Variants in SLC25A48 observed in about 807,000 individuals in gnomAD.
SLC25A48 encodes CTC-321K16.1.
In SLC25A48, 29 loss-of-function variants were observed where a neutral mutation model predicts 32.2. That is an observed-to-expected ratio of 0.90 (90% confidence interval 0.67 to 1.23). The LOEUF is 1.23. Ranked by LOEUF, SLC25A48 falls within the 50% of genes most tolerant of loss-of-function variation. The pLI is 0.00. For synonymous variants in SLC25A48, 164 were observed against 172.3 expected (o/e 0.95, Z 0.38); for missense variants, 399 against 422.7 (o/e 0.94, Z 0.49).
intron 1 of SLC25A48, among the ~76,000 whole-genome samples, chr5:135,621,240 C>G (rs1180828577): frequency 6.6e-6 from 1 of 152,202 alleles, no homozygotes; most frequent in Non-Finnish European, 1.5e-5. Flanking sequence ...TTCCCATCTA[C>G]AAGGTTTCTG....
chr5:135,772,867 C>T (rs986393248), intron 3 of SLC25A48, among the ~76,000 whole-genome samples: 1 of 151,426 alleles, frequency 6.6e-6, no homozygotes, highest in Admixed American at 6.6e-5. Flanking sequence ...ATATTACTTT[C>T]AATATTGCAG....
At chr5:135,675,596 T>C (rs1382273241) in intron 3 of SLC25A48, among the ~76,000 whole-genome samples, 1 of 152,100 alleles carries the variant, frequency 6.6e-6, no homozygotes, top group Non-Finnish European at 1.5e-5. Flanking sequence ...GCTGTTTTGG[T>C]TACTATAATC....
At chr5:135,613,884 A>G (rs191179188) in intron 1 of SLC25A48, among the ~76,000 whole-genome samples, 10 of 152,280 alleles carry the variant, frequency 6.6e-5, no homozygotes, top group African/African-American at 2.2e-4. Context: ...TGATGCCTCC[A>G]GATTTGTTTC....
intron 3 of SLC25A48, among the ~76,000 whole-genome samples, chr5:135,742,836 T>A (rs974904847): frequency 3.0e-4 from 45 of 151,824 alleles, no homozygotes; most frequent in Admixed American, 3.9e-4. Flanking sequence ...TCCACAAGGG[T>A]AGGGACTGTC....
At chr5:135,676,370 G>GT (rs1753768317) in intron 3 of SLC25A48, among the ~76,000 whole-genome samples, 2 of 151,754 alleles carry the variant, frequency 1.3e-5, no homozygotes, top group South Asian at 4.2e-4. Context: ...AGTCTTCTCT[G>GT]TTTTTTTATT....
intron 3 of SLC25A48, among the ~76,000 whole-genome samples, chr5:135,724,688 T>C (rs1186253520): frequency 6.6e-6 from 1 of 152,266 alleles, no homozygotes; most frequent in Non-Finnish European, 1.5e-5. Flanking sequence ...TGATAGGCTA[T>C]AACCTTGGTC....
chr5:135,716,020 G>A (rs1175972473), intron 3 of SLC25A48, among the ~76,000 whole-genome samples: 1 of 152,206 alleles, frequency 6.6e-6, no homozygotes, highest in Non-Finnish European at 1.5e-5. Flanking sequence ...ATAACTGCCA[G>A]TTATCCAGAA....
chr5:135,794,233 A>G (rs1429799523), intron 3 of SLC25A48, among the ~76,000 whole-genome samples: 1 of 151,276 alleles, frequency 6.6e-6, no homozygotes, highest in Non-Finnish European at 1.5e-5. Context: ...ATTGTTTCTA[A>G]TATCTAGGGG....
chr5:135,674,058 A>T (rs1048025849), intron 3 of SLC25A48, among the ~76,000 whole-genome samples: 3 of 151,746 alleles, frequency 2.0e-5, no homozygotes, highest in Admixed American at 6.6e-5. Context: ...ACTTTCTTTT[A>T]TGTTTCATTT....
intron 3 of SLC25A48, among the ~76,000 whole-genome samples, chr5:135,640,957 C>T (rs971412422): frequency 6.6e-6 from 1 of 152,174 alleles, no homozygotes; most frequent in African/African-American, 2.4e-5. Context: ...TGTCTGTACT[C>T]ATCATTTCTA....
intron 4 of SLC25A48, among the ~76,000 whole-genome samples, chr5:135,853,637 G>A (rs967515191): frequency 6.6e-6 from 1 of 152,142 alleles, no homozygotes; most frequent in Non-Finnish European, 1.5e-5. Flanking sequence ...TAGTTCTCTT[G>A]CTTTCTCCAT....
intron 1 of SLC25A48, among the ~76,000 whole-genome samples, chr5:135,618,152 CT>C (rs1752232469): frequency 6.6e-6 from 1 of 152,048 alleles, no homozygotes; most frequent in African/African-American, 2.4e-5. Flanking sequence ...GAATTTATCC[CT>C]TTATCATACA....
chr5:135,744,054 C>T (rs1468327454), intron 3 of SLC25A48, among the ~76,000 whole-genome samples: 1 of 152,204 alleles, frequency 6.6e-6, no homozygotes, highest in Non-Finnish European at 1.5e-5. Flanking sequence ...TCTTCTTTTA[C>T]TCCCTCTTTT....
intron 3 of SLC25A48, among the ~76,000 whole-genome samples, chr5:135,729,969 C>T (rs1398420547): frequency 6.6e-6 from 1 of 152,096 alleles, no homozygotes; most frequent in Non-Finnish European, 1.5e-5. Flanking sequence ...GTGCTCAGAG[C>T]AATGGGCAAC....
At chr5:135,579,359 TTC>T (rs1751180062) in exon 1 of SLC25A48, 1 of 153,170 alleles carries the variant, frequency 6.5e-6, no homozygotes, top group African/African-American at 2.4e-5. Context: ...AATCGTGTGG[TTC>T]TCTCTCTGGC....
At chr5:135,656,399 GCTGAGATCC>G (rs1232691694) in intron 3 of SLC25A48, among the ~76,000 whole-genome samples, 1 of 152,132 alleles carries the variant, frequency 6.6e-6, no homozygotes, top group East Asian at 1.9e-4. Context: ...TATTGCAAGA[GCTGAGATCC>G]CTGGGTCCTG....
chr5:135,743,201 A>G (rs968068793), intron 3 of SLC25A48, among the ~76,000 whole-genome samples: 8 of 145,324 alleles, frequency 5.5e-5, no homozygotes, highest in Non-Finnish European at 1.2e-4. Context: ...CCTCCTAAGT[A>G]GCTGGGATTA....
intron 3 of SLC25A48, among the ~76,000 whole-genome samples, chr5:135,705,047 T>C (rs1754475503): frequency 6.6e-6 from 1 of 152,330 alleles, no homozygotes; most frequent in Middle Eastern, 3.4e-3. Context: ...AAAGATGACC[T>C]GGGACAGGGA....
chr5:135,698,016 A>C (rs75452237), intron 3 of SLC25A48, among the ~76,000 whole-genome samples: 1,935 of 152,320 alleles, frequency 0.013, 49 homozygotes, highest in African/African-American at 0.044. Context: ...TCACTGGGCC[A>C]TGCCAGGGAC....
Sources: gnomAD v4.1 joint callset for allele counts (sites outside exome capture counted in the v4.1 genomes callset) on GRCh38, gnomAD v4.1.1 for gene constraint, MANE v1.5 for transcripts, NCBI Gene and HGNC (gene_info 2026-07-23, HGNC 2026-07-21) for gene names.